PEX2: variants seen among roughly 807,000 people sequenced by gnomAD.
PEX2 encodes the protein peroxisomal biogenesis factor 2.
In PEX2, 19 loss-of-function variants were observed where a neutral mutation model predicts 25.2. The ratio of observed to expected loss-of-function variants is 0.75; its 90% CI spans 0.53 to 1.10. The LOEUF (loss-of-function observed/expected upper bound fraction) is 1.10, where lower values mean the gene tolerates loss of function less well. Among genes scored for constraint, PEX2 ranks in the 50% least tolerant of loss-of-function variants. The pLI is 0.00. For synonymous variants in PEX2, 141 were observed against 127.7 expected (o/e 1.10, Z -0.70); for missense variants, 347 against 350.6 (o/e 0.99, Z 0.08).
At chr8:76,997,531 T>C (rs1181949750) in intron 1 of PEX2, among the ~76,000 whole-genome samples, 1 of 152,128 alleles carries the variant, frequency 6.6e-6, no homozygotes, top group Non-Finnish European at 1.5e-5. Flanking sequence ...ACTGTGCCAC[T>C]GCACTCCAGC....
chr8:76,982,354 T>G lies in PEX2; in HGVS notation c.*907A>C, dbSNP rs1236210360. 1 of 152,192 alleles carries G rather than the reference T, an allele frequency of 6.6e-6. No homozygotes were observed. Among genetic ancestry groups the G allele is most frequent in the Non-Finnish European group, 1.5e-5 (1 of 68,046 alleles). 9.4% of individuals were successfully genotyped at this position (152,192 alleles called of 1,614,324 possible). On this transcript the variant is annotated 3_prime_UTR_variant, in exon 4 of 4. Coordinates refer to ENST00000357039, the MANE Select transcript of PEX2 (RefSeq NM_000318.3). ...GAATCAAAGGCAAGAGAAAGAGACC[T>G]GTAAATAGTGCTGTTCATACTAGTT...
At chr8:76,988,797 T>A (rs1250061784) in intron 1 of PEX2, among the ~76,000 whole-genome samples, 2 of 152,168 alleles carry the variant, frequency 1.3e-5, no homozygotes, top group African/African-American at 4.8e-5. Flanking sequence ...ATCAATTAAG[T>A]TTATGGGATA....
intron 1 of PEX2, among the ~76,000 whole-genome samples, chr8:76,991,229 A>C (rs1207776340): frequency 6.6e-6 from 1 of 152,240 alleles, no homozygotes; most frequent in East Asian, 1.9e-4. Flanking sequence ...TACACTTAAA[A>C]ACATTCAGTA....
chr8:76,995,196 A>T (rs1807287423), intron 1 of PEX2, among the ~76,000 whole-genome samples: 1 of 152,164 alleles, frequency 6.6e-6, no homozygotes, highest in East Asian at 1.9e-4. Flanking sequence ...CCATACATAA[A>T]CTAAGTTTTA....
At chr8:76,999,853 T>C (rs182003534) in intron 1 of PEX2, 137 bp downstream of exon 1, 35 of 456,588 alleles carry the variant, frequency 7.7e-5, no homozygotes, top group African/African-American at 6.2e-4. Context: ...GATTTGCCTT[T>C]TCCAGGGAGA....
rs1806899956 is a variant in PEX2, at chr8:76,983,485, T to C, written c.694A>G (p.Asn232Asp). The C allele has an allele frequency of 3.1e-6, 5 of 1,614,124 alleles. No homozygotes were observed. The highest frequency in any genetic ancestry group is 4.2e-6 in the Non-Finnish European group (5 of 1,179,984). ...CTGGTGGCTAATGTATTGTCACTAT[T>C]AGGTGCACCAGTAAGAGGAATACAC... ...SWCIPLTGAP[N>D]SDNTLATSGK... Residue 232 changes from asparagine (N) to aspartate (D), a missense_variant, in exon 4 of 4, where the codon AAT (asparagine) becomes GAT (aspartate). Transcript: ENST00000357039.
At chr8:76,999,346 T>C (rs976941573) in intron 1 of PEX2, among the ~76,000 whole-genome samples, 1 of 152,102 alleles carries the variant, frequency 6.6e-6, no homozygotes, top group Non-Finnish European at 1.5e-5. Context: ...ATTTGGAAAA[T>C]GGTACCTCAA....
intron 3 of PEX2, among the ~76,000 whole-genome samples, chr8:76,985,270 T>C (rs892293444): frequency 2.0e-5 from 3 of 151,930 alleles, no homozygotes; most frequent in African/African-American, 4.8e-5. Context: ...TCAAACTTAT[T>C]GAAACAGAGA....
At chr8:76,987,346 T>C (rs1282883591) in intron 2 of PEX2, among the ~76,000 whole-genome samples, 1 of 152,114 alleles carries the variant, frequency 6.6e-6, no homozygotes, top group Non-Finnish European at 1.5e-5. Flanking sequence ...CACCTGATAT[T>C]AGCATGTCAG....
In PEX2 at chr8:76,983,592, A is replaced by G. The variant is rs1348017857; in HGVS notation, c.587T>C (p.Leu196Pro). Residue 196 changes from leucine (L) to proline (P), a missense_variant, in exon 4 of 4, where the codon CTC (leucine) becomes CCC (proline). By Grantham distance (98) the Leu-to-Pro change is moderately conservative. Coordinates refer to ENST00000357039, the MANE Select transcript of PEX2 (RefSeq NM_000318.3). Reference protein sequence around the residue: ...VGFEYMNRELLWHGFAEFLIF... With the variant: ...VGFEYMNRELPWHGFAEFLIF... Reference sequence around the variant, plus strand: ...CAGAAATTCAGCAAAACCATGCCAGAGAAGTTCCCTATTCATGTATTCAAA... The same window carrying G: ...CAGAAATTCAGCAAAACCATGCCAGGGAAGTTCCCTATTCATGTATTCAAA... 6.2e-7 allele frequency: 1 copy of G among 1,614,040 alleles called. No individual in the cohort carries two copies. Among genetic ancestry groups the G allele is most frequent in the Non-Finnish European group, 8.5e-7 (1 of 1,180,006 alleles).
At chr8:76,993,761 A>G (rs963046041) in intron 1 of PEX2, among the ~76,000 whole-genome samples, 4 of 152,102 alleles carry the variant, frequency 2.6e-5, no homozygotes, top group African/African-American at 7.2e-5. Flanking sequence ...TTCATACACA[A>G]TCCTACCAGC....
rs1177309391 is a variant in PEX2 at position 76,981,823 on chromosome 8, G to A, written c.*1438C>T. On this transcript the variant is annotated 3_prime_UTR_variant, in exon 4 of 4. Transcript: ENST00000357039. ...TTTAAAATTACAGAAGGCAAAAGAA[G>A]GCAAATTCTTAAGATGTAAAATACT... 2 of 152,122 alleles carry A rather than the reference G, an allele frequency of 1.3e-5. No individual in the cohort carries two copies. 9.4% of individuals were successfully genotyped at this position (152,122 alleles called of 1,614,324 possible).
intron 1 of PEX2, among the ~76,000 whole-genome samples, chr8:76,997,523 T>C (rs777184901): frequency 6.6e-6 from 1 of 152,112 alleles, no homozygotes; most frequent in Non-Finnish European, 1.5e-5. Context: ...GAGCTGAGAC[T>C]GTGCCACTGC....
chr8:76,987,296 G>A (rs1011840428), intron 2 of PEX2, among the ~76,000 whole-genome samples: 3 of 152,146 alleles, frequency 2.0e-5, no homozygotes, highest in African/African-American at 4.8e-5. Context: ...ACTTCAGAAG[G>A]TCAGAGAAGG....
intron 3 of PEX2, among the ~76,000 whole-genome samples, chr8:76,985,798 T>C (rs1030704330): frequency 2.0e-5 from 3 of 152,206 alleles, no homozygotes; most frequent in Admixed American, 6.5e-5. Context: ...TCATTTCCCC[T>C]GACCCTGACC....
At chr8:76,989,309 T>TA (rs1310001561) in intron 1 of PEX2, among the ~76,000 whole-genome samples, 9 of 152,222 alleles carry the variant, frequency 5.9e-5, no homozygotes, top group African/African-American at 2.2e-4. Context: ...CATCTGTAGT[T>TA]ACTTCCTCCA....
chr8:76,990,618 T>C (rs538026360), intron 1 of PEX2, among the ~76,000 whole-genome samples: 1 of 152,246 alleles, frequency 6.6e-6, no homozygotes, highest in East Asian at 1.9e-4. Flanking sequence ...TCTTAGGGAA[T>C]AGGCAAGTCA....
intron 2 of PEX2, 132 bp downstream of exon 2, chr8:76,988,175 A>C (rs1807060409): frequency 6.6e-6 from 1 of 152,218 alleles, no homozygotes; most frequent in Non-Finnish European, 1.5e-5. Flanking sequence ...TGATAAAGAT[A>C]CATATATCTC....
intron 1 of PEX2, among the ~76,000 whole-genome samples, chr8:76,999,110 C>G (rs1807421030): frequency 6.6e-6 from 1 of 151,954 alleles, no homozygotes; most frequent in Non-Finnish European, 1.5e-5. Context: ...GTTAAAAGAG[C>G]CACCCCAAGT....
Sources: allele counts gnomAD v4.1 joint callset (sites outside exome capture counted in the v4.1 genomes callset), GRCh38; gene constraint gnomAD v4.1.1; transcripts MANE v1.5; gene names NCBI Gene and HGNC (gene_info 2026-07-23, HGNC 2026-07-21).